The following LDLRAD3 variants were observed in gnomAD, a reference collection of about 807,000 sequenced individuals.
LDLRAD3 encodes low density lipoprotein receptor class A domain containing 3.
In LDLRAD3, 20 loss-of-function variants were observed where a neutral mutation model predicts 29.4. The ratio of observed to expected loss-of-function variants is 0.68; its 90% CI spans 0.48 to 0.99. LDLRAD3 has a LOEUF of 0.99. LDLRAD3 is among the 50% of genes least tolerant of loss of function. The pLI is 0.00. For missense variants in LDLRAD3, 420 were observed against 454.3 expected, an observed-to-expected ratio of 0.92 and a Z score of 0.69; for synonymous variants, 157 against 192.7, an observed-to-expected ratio of 0.81 and a Z score of 1.53.
At chr11:36,131,290 T>A (rs1853922380) in intron 4 of LDLRAD3, among the ~76,000 whole-genome samples, 1 of 152,192 alleles carries the variant, frequency 6.6e-6, no homozygotes, top group Admixed American at 6.5e-5. Context: ...CAGACGCATC[T>A]CAAAGCTGGT....
chr11:36,115,505 T>A (rs1853661981), intron 4 of LDLRAD3, among the ~76,000 whole-genome samples: 1 of 152,208 alleles, frequency 6.6e-6, no homozygotes, highest in Non-Finnish European at 1.5e-5. Context: ...AGAGCATTCA[T>A]GTGGCCCTTG....
chr11:36,211,718 A>G (rs1216585717), intron 4 of LDLRAD3, among the ~76,000 whole-genome samples: 4 of 152,002 alleles, frequency 2.6e-5, no homozygotes, highest in Non-Finnish European at 5.9e-5. Context: ...TGCTTTCCCA[A>G]CTCCCACAAG....
At chr11:36,117,008 AT>A (rs1160393891) in intron 4 of LDLRAD3, among the ~76,000 whole-genome samples, 48 of 151,864 alleles carry the variant, frequency 3.2e-4, no homozygotes, top group Non-Finnish European at 8.8e-5. Flanking sequence ...TGCCCGGCTA[AT>A]TTTTGTATTT....
At chr11:36,061,990 A>C (rs1198245792) in intron 2 of LDLRAD3, among the ~76,000 whole-genome samples, 1 of 152,130 alleles carries the variant, frequency 6.6e-6, no homozygotes, top group Non-Finnish European at 1.5e-5. Context: ...AAAAAAAAAA[A>C]ACAGTAGTTA....
chr11:36,004,975 C>T lies in LDLRAD3; in HGVS notation c.47-31128C>T, dbSNP rs539002600. ...TGCAGAGAGCAACTGGGTCCTGGGCCCTGCTCACAAAACCATTTTTCCCTC... is the reference window on the plus strand; with the variant it reads ...TGCAGAGAGCAACTGGGTCCTGGGCTCTGCTCACAAAACCATTTTTCCCTC... On this transcript the variant is annotated intron_variant, in intron 1 of 5. Coordinates refer to ENST00000315571, the MANE Select transcript of LDLRAD3 (RefSeq NM_174902.4). 3.0e-4 allele frequency among the ~76,000 whole-genome samples: 46 copies of T among 152,282 alleles called. 1 individual carries two copies. Among genetic ancestry groups the T allele is most frequent in the African/African-American group, 1.1e-3 (46 of 41,556 alleles).
At chr11:36,124,217 C>G (rs1220309144) in intron 4 of LDLRAD3, among the ~76,000 whole-genome samples, 2 of 152,164 alleles carry the variant, frequency 1.3e-5, no homozygotes, top group Admixed American at 6.5e-5. Flanking sequence ...ATTCCTTCTC[C>G]TTTTTGTCTC....
intron 1 of LDLRAD3, among the ~76,000 whole-genome samples, chr11:35,978,892 C>T (rs1370126953): frequency 2.0e-5 from 3 of 152,138 alleles, no homozygotes; most frequent in Non-Finnish European, 2.9e-5. Flanking sequence ...TATATGGTTT[C>T]CCTGAACTTG....
intron 2 of LDLRAD3, among the ~76,000 whole-genome samples, chr11:36,057,311 T>C (rs1478015745): frequency 6.6e-6 from 1 of 152,106 alleles, no homozygotes; most frequent in Non-Finnish European, 1.5e-5. Flanking sequence ...CCCACTTGTA[T>C]CCTGTTTCGC....
At chr11:36,002,977 G>A (rs552017508) in intron 1 of LDLRAD3, among the ~76,000 whole-genome samples, 9 of 152,306 alleles carry the variant, frequency 5.9e-5, no homozygotes, top group East Asian at 1.9e-4. Context: ...GTGTTATTAC[G>A]TTATCATCAC....
chr11:35,971,211 G>GAAT (rs1434976571), intron 1 of LDLRAD3, among the ~76,000 whole-genome samples: 1 of 152,188 alleles, frequency 6.6e-6, no homozygotes, highest in African/African-American at 2.4e-5. Flanking sequence ...CTGGGAGAGA[G>GAAT]AATAGTAGGC....
chr11:36,025,730 A>C lies in LDLRAD3; in HGVS notation c.47-10373A>C, dbSNP rs61879140. ...ACAAATCTTGCAGTTGAAGTTCATT[A>C]TGTACGATCCCAGTTGCCAGAGGTA... On this transcript the variant is annotated intron_variant, in intron 1 of 5. Coordinates refer to ENST00000315571, the MANE Select transcript of LDLRAD3 (RefSeq NM_174902.4). Among the ~76,000 whole-genome samples, 267 of 141,806 alleles carry C rather than the reference A, an allele frequency of 1.9e-3. 1 individual carries two copies. The highest frequency in any genetic ancestry group is 6.8e-3 in the African/African-American group (257 of 38,068). 93.0% of individuals were successfully genotyped at this position (141,806 alleles called of 152,430 possible).
chr11:35,976,992 C>G (rs2008924510), intron 1 of LDLRAD3, among the ~76,000 whole-genome samples: 1 of 152,156 alleles, frequency 6.6e-6, no homozygotes, highest in Non-Finnish European at 1.5e-5. Flanking sequence ...TTGGGTGTTA[C>G]TGATTTATTG....
chr11:36,031,756 A>T (rs1241677129), intron 1 of LDLRAD3, among the ~76,000 whole-genome samples: 1 of 152,196 alleles, frequency 6.6e-6, no homozygotes, highest in Non-Finnish European at 1.5e-5. Context: ...TGAAGAAGTG[A>T]TGTAAGCTGA....
At chr11:36,207,977 G>A (rs551337296) in intron 4 of LDLRAD3, among the ~76,000 whole-genome samples, 1 of 147,960 alleles carries the variant, frequency 6.8e-6, no homozygotes, top group South Asian at 2.1e-4. Context: ...TTTGGAAATA[G>A]ATAGATCCTG....
At chr11:36,185,715 C>T (rs924155490) in intron 4 of LDLRAD3, among the ~76,000 whole-genome samples, 2 of 152,194 alleles carry the variant, frequency 1.3e-5, no homozygotes, top group African/African-American at 4.8e-5. Context: ...TTATTGCTCT[C>T]CCTTCACTCT....
At chr11:36,105,597 G>GACACCGACATC (rs954354805) in intron 4 of LDLRAD3, among the ~76,000 whole-genome samples, 3 of 151,850 alleles carry the variant, frequency 2.0e-5, no homozygotes, top group African/African-American at 7.3e-5. Flanking sequence ...GGGAAATTTG[G>GACACCGACATC]ACACCGACAT....
chr11:36,114,336 T>C (rs1014961672), intron 4 of LDLRAD3, among the ~76,000 whole-genome samples: 7 of 152,160 alleles, frequency 4.6e-5, no homozygotes, highest in African/African-American at 1.7e-4. Context: ...AATCTGCCTA[T>C]CGGGGCTGAG....
intron 1 of LDLRAD3, chr11:35,967,558 A>T (rs1360650551): frequency 2.6e-6 from 1 of 387,670 alleles, no homozygotes; most frequent in African/African-American, 2.1e-5. Context: ...TTGATGTCAC[A>T]TGGCCTAGGT....
chr11:36,157,167 G>A (rs1854365742), intron 4 of LDLRAD3, among the ~76,000 whole-genome samples: 2 of 152,214 alleles, frequency 1.3e-5, no homozygotes, highest in African/African-American at 4.8e-5. Context: ...CAGTAATGCT[G>A]TAAGGGGCTG....
Sources: allele counts gnomAD v4.1 joint callset (sites outside exome capture counted in the v4.1 genomes callset), GRCh38; gene constraint gnomAD v4.1.1; transcripts MANE v1.5; gene names NCBI Gene and HGNC (gene_info 2026-07-23, HGNC 2026-07-21).